The following FBLN1 variants were observed in gnomAD, a reference collection of about 807,000 sequenced individuals.
FBLN1 encodes the protein fibulin-1.
In FBLN1, 34 loss-of-function variants were observed where a neutral mutation model predicts 89.7. That is an observed-to-expected ratio of 0.38 (90% CI 0.29 to 0.50). FBLN1 has a LOEUF of 0.50. Ranked by LOEUF, FBLN1 falls within the 20% of genes least tolerant of loss-of-function variation. FBLN1 has a pLI of 0.92. For missense variants in FBLN1, 777 were observed against 988.1 expected (o/e 0.79, Z 2.86); for synonymous variants, 393 against 391.3 (o/e 1.00, Z -0.05).
intron 16 of FBLN1, among the ~76,000 whole-genome samples, chr22:45,594,582 A>ATGGG (rs1447714044): frequency 6.7e-6 from 1 of 150,058 alleles, no homozygotes; most frequent in East Asian, 2.0e-4. Context: ...CATCTAATGG[A>ATGGG]TGGGTGGGTG....
chr22:45,565,047 G>A (rs2147015907), intron 14 of FBLN1: 1 of 1,609,640 alleles, frequency 6.2e-7, no homozygotes, highest in East Asian at 2.2e-5. Context: ...CTGAGCAGCT[G>A]TGATTGTGCC....
chr22:45,565,062 G>A lies in FBLN1; in HGVS notation c.1698-9449G>A, dbSNP rs546371559. The A allele has an allele frequency of 5.6e-6, 9 of 1,605,462 alleles. No individual in the cohort carries two copies. The African/African-American group carries it at 9.3e-5, about 17-fold the overall frequency. On this transcript the variant is annotated intron_variant, in intron 14 of 16. Transcript: ENST00000327858. ...CTGAGCAGCTGTGATTGTGCCACGG[G>A]AGCATGAGCCCTTTTCCCCACGGCC...
At position 45,532,940 on chromosome 22, in the gene FBLN1, T is replaced by C. The variant is rs2088428759; in HGVS notation, c.545-123T>C. ...GGGCAGCAGGTGGGCTCCAGCCAGG[T>C]CAGCCTGCCTTCCTGGGTTCGTCTG... On this transcript the variant is annotated intron_variant, in intron 5 of 16. Coordinates refer to ENST00000327858, the MANE Select transcript of FBLN1 (RefSeq NM_006486.3). The surrounding 1 kb of genome is among the most constrained non-coding windows in gnomAD (Gnocchi z 4.2). 4.7e-6 allele frequency: 4 copies of C among 851,120 alleles called. No homozygotes were observed. The highest frequency in any genetic ancestry group is 7.6e-6 in the Non-Finnish European group (4 of 524,198). 52.7% of individuals were successfully genotyped at this position (851,120 alleles called of 1,614,324 possible). A position where few individuals can be genotyped will look rare whatever the true frequency, so the allele number is the denominator to read the frequency against.
intron 16 of FBLN1, among the ~76,000 whole-genome samples, chr22:45,587,904 T>C (rs545904078): frequency 6.6e-6 from 1 of 152,240 alleles, no homozygotes; most frequent in South Asian, 2.1e-4. Flanking sequence ...TCTTTTGTGC[T>C]CCAGTGGCCC....
intron 11 of FBLN1, among the ~76,000 whole-genome samples, 159 bp downstream of exon 11, chr22:45,543,685 A>ACTGCCCGC (rs1174981717): frequency 2.0e-5 from 3 of 152,166 alleles, no homozygotes; most frequent in Non-Finnish European, 4.4e-5. Context: ...ATCAGAGAGG[A>ACTGCCCGC]CTGCCCGCCT....
chr22:45,533,305 G>A lies in FBLN1; in HGVS notation c.646+141G>A, dbSNP rs192241686. On this transcript the variant is annotated intron_variant, in intron 6 of 16. Coordinates refer to ENST00000327858, the MANE Select transcript of FBLN1 (RefSeq NM_006486.3). ...AGAGCAGCCCAGGACGCGCTTTCTC[G>A]TGTTCGCTGGAGTTTGCAGCGCAGA... 5.7e-4 allele frequency: 447 copies of A among 784,414 alleles called. No individual in the cohort carries two copies. The African/African-American group carries it at 6.4e-3, about 11-fold the overall frequency. 48.6% of individuals were successfully genotyped at this position (784,414 alleles called of 1,614,324 possible). A position where few individuals can be genotyped will look rare whatever the true frequency, so the allele number is the denominator to read the frequency against.
intron 2 of FBLN1, among the ~76,000 whole-genome samples, chr22:45,525,137 GAA>G (rs3074730): frequency 5.0e-5 from 7 of 138,838 alleles, no homozygotes; most frequent in African/African-American, 1.4e-4. Context: ...AAAACAGAGA[GAA>G]AGAAAGAAAG....
In FBLN1 at chr22:45,574,589, C is replaced by T. The variant is rs774273948; in HGVS notation, c.1776C>T (p.Pro592=). The change falls in exon 15 of 17, where the codon CCC becomes CCT. Residue 592 remains proline, a synonymous_variant. Coordinates refer to ENST00000327858, the MANE Select transcript of FBLN1 (RefSeq NM_006486.3). The surrounding 1 kb of genome is among the most constrained non-coding windows in gnomAD (Gnocchi z 4.1). ...RPNDVTCVFD[P]VHTISHTVIS... ...ACGATGTCACATGCGTGTTCGACCC[C>T]GTGCACACCATCTCCCACACCGTCA... 63 of 1,614,030 alleles carry T rather than the reference C, an allele frequency of 3.9e-5. 1 individual carries two copies. In the South Asian group the frequency reaches 4.5e-4, roughly 12 times the overall value.
intron 3 of FBLN1, among the ~76,000 whole-genome samples, chr22:45,527,369 A>G (rs754794469): frequency 1.2e-4 from 18 of 152,132 alleles, no homozygotes; most frequent in South Asian, 2.1e-4. Flanking sequence ...GCACGGTGCA[A>G]TTCCTGCTGC....
intron 16 of FBLN1, among the ~76,000 whole-genome samples, chr22:45,595,935 T>C (rs914431774): frequency 6.6e-6 from 1 of 152,242 alleles, no homozygotes; most frequent in Non-Finnish European, 1.5e-5. Context: ...AATGGCGCGA[T>C]CTCAGCTCAC....
chr22:45,521,016 G>T (rs1192860508), intron 2 of FBLN1, among the ~76,000 whole-genome samples: 1 of 151,908 alleles, frequency 6.6e-6, no homozygotes. Flanking sequence ...GAGTTTCACC[G>T]TGTTGGCCAG....
At chr22:45,527,028 G>T (rs1164465537) in intron 3 of FBLN1, among the ~76,000 whole-genome samples, 1 of 152,116 alleles carries the variant, frequency 6.6e-6, no homozygotes, top group African/African-American at 2.4e-5. Flanking sequence ...GATGGATGAG[G>T]TGACTGATGC....
At chr22:45,589,517 G>A (rs2089117922) in intron 16 of FBLN1, among the ~76,000 whole-genome samples, 1 of 152,254 alleles carries the variant, frequency 6.6e-6, no homozygotes, top group Non-Finnish European at 1.5e-5. Context: ...CATTGAGGAC[G>A]TGGCCTTGCT....
chr22:45,562,763 G>C lies in FBLN1; in HGVS notation c.1698-11748G>C. ...GGTCCACGGCGCCTCCCGCAGGTGA[G>C]TGAGGTGTGCCCTTCGTGTTGGCTG... On this transcript the variant is annotated intron_variant, in intron 14 of 16. Coordinates refer to ENST00000327858, the MANE Select transcript of FBLN1 (RefSeq NM_006486.3). The surrounding 1 kb of genome is among the most constrained non-coding windows in gnomAD (Gnocchi z 7.8). 1 of 799,594 alleles carries C rather than the reference G, an allele frequency of 1.3e-6. No homozygotes were observed. The highest frequency in any genetic ancestry group is 2.2e-6 in the Non-Finnish European group (1 of 458,210). 49.5% of individuals were successfully genotyped at this position (799,594 alleles called of 1,614,324 possible).
intron 10 of FBLN1, among the ~76,000 whole-genome samples, chr22:45,542,902 G>A (rs796653324): frequency 5.3e-5 from 8 of 152,364 alleles, no homozygotes; most frequent in South Asian, 2.1e-4. Context: ...CAGGCACAGC[G>A]CGGCAGTCCC....
At chr22:45,569,642 A>AAAGAAGAAG (rs56907104) in intron 14 of FBLN1, among the ~76,000 whole-genome samples, 4,368 of 149,796 alleles carry the variant, frequency 0.029, 73 homozygotes, top group African/African-American at 0.046. Flanking sequence ...CTGTCTCAAA[A>AAAGAAGAAG]AAGAAGAAGA....
At chr22:45,591,716 A>C (rs1388328546) in intron 16 of FBLN1, among the ~76,000 whole-genome samples, 1 of 151,910 alleles carries the variant, frequency 6.6e-6, no homozygotes, top group African/African-American at 2.4e-5. Flanking sequence ...GATTCTCTCT[A>C]ATTGCTTTCT....
chr22:45,507,588 T>C (rs1173505506), intron 1 of FBLN1, among the ~76,000 whole-genome samples: 3 of 152,194 alleles, frequency 2.0e-5, no homozygotes, highest in African/African-American at 7.2e-5. Flanking sequence ...AGGGCAGTAG[T>C]GTGATCTCGG....
In FBLN1 at chr22:45,579,979, G is replaced by A. The variant is rs1310211665; in HGVS notation, c.1972+2871G>A. Among the ~76,000 whole-genome samples the A allele has an allele frequency of 1.3e-5, 2 of 151,996 alleles. No individual in the cohort carries two copies. The highest frequency in any genetic ancestry group is 4.8e-5 in the African/African-American group (2 of 41,402). ...GAAGCAGCCCTGAAAACGTGGGGTT[G>A]AACCCTTGCCGGCTCCTTACCGTTG... On this transcript the variant is annotated intron_variant, in intron 16 of 16. Transcript: ENST00000327858. This position sits in a 1 kb window ranked among gnomAD's most constrained non-coding sequence, Gnocchi z 5.5.
Sources: gnomAD v4.1 joint callset for allele counts (sites outside exome capture counted in the v4.1 genomes callset) on GRCh38, gnomAD v4.1.1 for gene constraint, Gnocchi (gnomAD v3.1) non-coding constraint, MANE v1.5 for transcripts, NCBI Gene and HGNC (gene_info 2026-07-23, HGNC 2026-07-21) for gene names.